The following SUMF1 variants were observed in gnomAD, a reference collection of about 807,000 sequenced individuals.
SUMF1 encodes the protein sulfatase modifying factor 1.
SUMF1 carries 48 observed loss-of-function variants against 47.6 expected under a neutral mutation model. The observed-to-expected ratio is 1.01, with a 90% CI of 0.80 to 1.28. SUMF1 has a LOEUF of 1.28. Among genes scored for constraint, SUMF1 ranks in the 50% most tolerant of loss-of-function variants. The pLI, the probability that SUMF1 is intolerant of heterozygous loss-of-function variation, is 0.00. For synonymous variants in SUMF1, 230 were observed against 192.1 expected (o/e 1.20, Z -1.63); for missense variants, 571 against 485.4 (o/e 1.18, Z -1.66).
At chr3:4,207,058 T>C (rs1446266770) in intron 8 of SUMF1, among the ~76,000 whole-genome samples, 1 of 152,152 alleles carries the variant, frequency 6.6e-6, no homozygotes. Flanking sequence ...TATTATATAG[T>C]TCTTGTACTT....
chr3:4,211,299 T>C (rs771129280), intron 8 of SUMF1, among the ~76,000 whole-genome samples: 1 of 148,564 alleles, frequency 6.7e-6, no homozygotes, highest in Non-Finnish European at 1.5e-5. Flanking sequence ...CCATTAGTTA[T>C]TTTTCCTGAT....
At chr3:4,074,806 G>C (rs1692382482) in intron 8 of SUMF1, among the ~76,000 whole-genome samples, 1 of 152,030 alleles carries the variant, frequency 6.6e-6, no homozygotes, top group Non-Finnish European at 1.5e-5. Flanking sequence ...TTCAATCTCT[G>C]AATAGACCAA....
intron 8 of SUMF1, among the ~76,000 whole-genome samples, chr3:4,166,811 C>G (rs922046688): frequency 6.6e-6 from 1 of 152,078 alleles, no homozygotes; most frequent in Non-Finnish European, 1.5e-5. Context: ...TGACCCTCAG[C>G]TCAGTCCAGA....
intron 1 of SUMF1, among the ~76,000 whole-genome samples, chr3:4,454,551 TA>T (rs1458809863): frequency 2.6e-5 from 4 of 152,192 alleles, no homozygotes; most frequent in Non-Finnish European, 5.9e-5. Context: ...AACGAAGAGT[TA>T]TATGACCCTG....
At chr3:4,340,398 C>T (rs542955846) in intron 8 of SUMF1, among the ~76,000 whole-genome samples, 4 of 152,238 alleles carry the variant, frequency 2.6e-5, no homozygotes, top group Non-Finnish European at 5.9e-5. Context: ...TTTGTGAATG[C>T]AGAGCTCTAC....
intron 8 of SUMF1, among the ~76,000 whole-genome samples, chr3:4,170,586 A>G (rs745921030): frequency 3.3e-5 from 5 of 152,208 alleles, no homozygotes; most frequent in Admixed American, 6.5e-5. Flanking sequence ...AAAACTTCCT[A>G]GTAAGCAACA....
chr3:4,039,627 G>T lies in SUMF1; in HGVS notation c.1191+28942C>A, dbSNP rs554586097. 4.1e-5 allele frequency among the ~76,000 whole-genome samples: 6 copies of T among 147,676 alleles called. No homozygotes were observed. The South Asian group carries it at 1.3e-3, about 31-fold the overall frequency. On this transcript the variant is annotated intron_variant and NMD_transcript_variant, in intron 9 of 12. Coordinates refer to the SUMF1 transcript ENST00000448413. ...TTTCTTAATCCAGTCTATCATTGTTGGACATTTGGGTTGGTTCCAAGTCTT... is the reference window on the plus strand; with the variant it reads ...TTTCTTAATCCAGTCTATCATTGTTTGACATTTGGGTTGGTTCCAAGTCTT...
rs763831265 is a variant in SUMF1 at position 4,410,844 on chromosome 3, T to C, written c.954+21A>G. On this transcript the variant is annotated intron_variant, in intron 7 of 8. Transcript: ENST00000272902. Reference sequence around the variant, plus strand: ...ACAGATGCCACCATTCCAAGACACATGCTCTGTGAATAATACTCACTGGGT... The same window carrying C: ...ACAGATGCCACCATTCCAAGACACACGCTCTGTGAATAATACTCACTGGGT... The C allele has an allele frequency of 1.0e-5, 16 of 1,606,662 alleles. No homozygotes were observed. The East Asian group carries it at 1.1e-4, about 11-fold the overall frequency.
chr3:4,243,958 T>C (rs1004466706), intron 8 of SUMF1, among the ~76,000 whole-genome samples: 1 of 152,216 alleles, frequency 6.6e-6, no homozygotes, highest in African/African-American at 2.4e-5. Flanking sequence ...TGGGTGCATA[T>C]ATATTTAGGA....
chr3:4,313,350 G>C (rs1490172755), intron 8 of SUMF1: 1 of 1,613,960 alleles, frequency 6.2e-7, no homozygotes, highest in East Asian at 2.2e-5. Flanking sequence ...TTTATAATGG[G>C]CAGGTAATGG....
rs142984819 is a variant in SUMF1 at position 4,305,965 on chromosome 3, A to G, written c.1014+70365T>C. On this transcript the variant is annotated intron_variant and NMD_transcript_variant, in intron 8 of 12. Transcript: ENST00000448413. ...CTAAGCATTGCTGAGTTCCTGGTCA[A>G]AAACACTGATTTAAAAAACCACTGT... Among the ~76,000 whole-genome samples, 469 of 152,334 alleles carry G rather than the reference A, an allele frequency of 3.1e-3. 6 individuals are homozygous for G. The highest frequency in any genetic ancestry group is 0.011 in the African/African-American group (449 of 41,564).
intron 8 of SUMF1, among the ~76,000 whole-genome samples, chr3:4,281,272 G>C (rs747890742): frequency 1.3e-5 from 2 of 152,234 alleles, no homozygotes; most frequent in Non-Finnish European, 1.5e-5. Context: ...CTATATTACA[G>C]ACAAGGAGAC....
At chr3:4,063,309 A>G (rs1695304126) in intron 9 of SUMF1, among the ~76,000 whole-genome samples, 1 of 151,976 alleles carries the variant, frequency 6.6e-6, no homozygotes, top group African/African-American at 2.4e-5. Context: ...CCTTACAAAC[A>G]TTTTCTGATA....
chr3:4,290,198 T>C (rs578258221), intron 8 of SUMF1, among the ~76,000 whole-genome samples: 87 of 152,356 alleles, frequency 5.7e-4, no homozygotes, highest in African/African-American at 2.0e-3. Context: ...TTTTCCATCT[T>C]TTGTCAAACA....
At chr3:4,415,339 A>G (rs1701677578) in intron 6 of SUMF1, among the ~76,000 whole-genome samples, 1 of 152,182 alleles carries the variant, frequency 6.6e-6, no homozygotes, top group Non-Finnish European at 1.5e-5. Flanking sequence ...AGCTCATTTC[A>G]AATGAGCATA....
intron 7 of SUMF1, among the ~76,000 whole-genome samples, chr3:4,398,993 GC>G (rs1318041470): frequency 6.6e-6 from 1 of 152,114 alleles, no homozygotes. Context: ...CAAAATCCGG[GC>G]CAAAGTCAAA....
chr3:4,197,511 G>C (rs992356049), intron 8 of SUMF1, among the ~76,000 whole-genome samples: 6 of 152,124 alleles, frequency 3.9e-5, no homozygotes, highest in Non-Finnish European at 7.4e-5. Context: ...GAAAGGTTTT[G>C]AGGAAGGAAT....
At chr3:4,233,208 A>G (rs1696339517) in intron 8 of SUMF1, among the ~76,000 whole-genome samples, 1 of 152,138 alleles carries the variant, frequency 6.6e-6, no homozygotes. Context: ...CTTGGTCAGC[A>G]TTTATTCTGA....
At chr3:4,232,287 T>C (rs73806964) in intron 8 of SUMF1, among the ~76,000 whole-genome samples, 4,158 of 152,230 alleles carry the variant, frequency 0.027, 184 homozygotes, top group African/African-American at 0.094. Context: ...AGCAAGCACG[T>C]TGTTGCCAGA....
Sources: gnomAD v4.1 joint callset for allele counts (sites outside exome capture counted in the v4.1 genomes callset) on GRCh38, gnomAD v4.1.1 for gene constraint, MANE v1.5 for transcripts, NCBI Gene and HGNC (gene_info 2026-07-23, HGNC 2026-07-21) for gene names.